Variants in CDH8 observed in about 807,000 individuals in gnomAD.
CDH8 encodes the protein cadherin-8.
Under a neutral mutation model 68.1 loss-of-function variants are expected in CDH8, and 17 were observed. The ratio of observed to expected loss-of-function variants is 0.25; its 90% confidence interval spans 0.17 to 0.37. CDH8 has a LOEUF of 0.37. CDH8 is among the 10% of genes least tolerant of loss of function. The pLI, the probability that CDH8 is intolerant of heterozygous loss-of-function variation, is 1.00. For missense variants in CDH8, 763 were observed against 999.3 expected (o/e 0.76, Z 3.19); for synonymous variants, 372 against 365.1 (o/e 1.02, Z -0.21).
At chr16:62,028,754 G>T (rs1021637866) in intron 1 of CDH8, among the ~76,000 whole-genome samples, 1 of 148,444 alleles carries the variant, frequency 6.7e-6, no homozygotes, top group Non-Finnish European at 1.5e-5. Flanking sequence ...AAAAAAAAAC[G>T]AGTATCAGTC....
At position 61,901,281 on chromosome 16, in the gene CDH8, G is replaced by C. The variant is rs1484577002; in HGVS notation, c.445C>G (p.Pro149Ala). ...ACTTTAATAATAAATTCAGAAGGAG[G>C]CTCCAGAGGTTTGCTTGTCTCCCAG... ...VDWETSKPLE[P>A]PSEFIIKVQD... Residue 149 changes from proline to alanine, a missense_variant, in exon 3 of 12, where the codon CCT becomes GCT. Physicochemically the swap from Pro to Ala is conservative, Grantham distance 27 (BLOSUM62 -1). Coordinates refer to ENST00000577390, the MANE Select transcript of CDH8 (RefSeq NM_001796.5). 6.2e-7 allele frequency: 1 copy of C among 1,613,808 alleles called. No homozygotes were observed. Among genetic ancestry groups the C allele is most frequent in the Non-Finnish European group, 8.5e-7 (1 of 1,179,912 alleles).
intron 2 of CDH8, among the ~76,000 whole-genome samples, chr16:61,903,507 T>C (rs1964014640): frequency 6.6e-6 from 1 of 152,014 alleles, no homozygotes; most frequent in African/African-American, 2.4e-5. Flanking sequence ...GTATTTTTAG[T>C]AGAGACAGGG....
chr16:61,702,595 A>T (rs572785637), intron 10 of CDH8, among the ~76,000 whole-genome samples: 1 of 152,162 alleles, frequency 6.6e-6, no homozygotes, highest in East Asian at 1.9e-4. Flanking sequence ...GATTGTTTCT[A>T]TCTTTCTGTT....
rs1222256319 is a variant in CDH8, at chr16:61,653,027, G to A, written c.*581C>T. 8 of 1,416,480 alleles carry A rather than the reference G, an allele frequency of 5.6e-6. No homozygotes were observed. The highest frequency in any genetic ancestry group is 1.4e-5 in the African/African-American group (1 of 69,486). The allele number at this position is 1,416,480 out of a possible 1,614,324, so 87.7% of individuals were successfully genotyped here. A position where few individuals can be genotyped will look rare whatever the true frequency, so the allele number is the denominator to read the frequency against. On this transcript the variant is annotated 3_prime_UTR_variant, in exon 12 of 12. Coordinates refer to ENST00000577390, the MANE Select transcript of CDH8 (RefSeq NM_001796.5). ...ACACAATATTTAAAGATGCTATTCA[G>A]TCTCTAGTGAGTGGGGCCAACAATT... is the stretch of plus-strand genomic sequence containing the variant.
At chr16:61,740,773 T>G (rs1483110345) in intron 8 of CDH8, among the ~76,000 whole-genome samples, 1 of 152,174 alleles carries the variant, frequency 6.6e-6, no homozygotes, top group Non-Finnish European at 1.5e-5. Flanking sequence ...ATACCACAAT[T>G]ATTTATCTGT....
In CDH8 at chr16:61,900,215, A is replaced by C. The variant is rs527754393; in HGVS notation, c.547+964T>G. On this transcript the variant is annotated intron_variant, in intron 3 of 11. Coordinates refer to ENST00000577390, the MANE Select transcript of CDH8 (RefSeq NM_001796.5). ...TGAATATACATGTCTGTATTTACCA[A>C]ATTCTGGCTTCCAATTTATCTCTAC... Among the ~76,000 whole-genome samples the C allele has an allele frequency of 1.1e-4, 16 of 152,154 alleles. No individual in the cohort carries two copies. In the South Asian group the frequency reaches 3.1e-3, roughly 30 times the overall value.
At chr16:61,807,531 A>C (rs897605358) in intron 7 of CDH8, among the ~76,000 whole-genome samples, 16 of 152,192 alleles carry the variant, frequency 1.1e-4, no homozygotes, top group African/African-American at 3.6e-4. Context: ...AAATTCAGTA[A>C]AATTACTTCA....
chr16:61,847,880 T>TACAC lies in CDH8; in HGVS notation c.667+9235_667+9238dup, dbSNP rs79432523. On this transcript the variant is annotated intron_variant, in intron 4 of 11. Transcript: ENST00000577390. Reference sequence around the variant, plus strand: ...GTCTGTCTATATCTACCAACTATCCTACACACACACACACACACACACAGA... The same window carrying TACAC: ...GTCTGTCTATATCTACCAACTATCCTACACACACACACACACACACACACACAGA... 8.0e-4 allele frequency among the ~76,000 whole-genome samples: 119 copies of TACAC among 148,010 alleles called. 1 individual carries two copies. Among genetic ancestry groups the TACAC allele is most frequent in the East Asian group, 5.0e-3 (25 of 5,010 alleles).
chr16:61,675,606 A>T (rs1309572679), intron 10 of CDH8, among the ~76,000 whole-genome samples: 1 of 77,588 alleles, frequency 1.3e-5, no homozygotes, highest in Non-Finnish European at 2.3e-5. Context: ...TAATAAAAAA[A>T]AATAAAAAAA....
At chr16:61,922,699 G>C (rs1400562111) in intron 2 of CDH8, among the ~76,000 whole-genome samples, 1 of 152,038 alleles carries the variant, frequency 6.6e-6, no homozygotes, top group Non-Finnish European at 1.5e-5. Context: ...ACTTTGTCAT[G>C]CTTATAACTA....
At chr16:61,699,424 G>T (rs144418399) in intron 10 of CDH8, among the ~76,000 whole-genome samples, 3,386 of 152,234 alleles carry the variant, frequency 0.022, 66 homozygotes, top group Non-Finnish European at 0.033. Context: ...TAAAGACACT[G>T]CATTAAGAAA....
chr16:61,722,997 G>T (rs897206439), intron 9 of CDH8, among the ~76,000 whole-genome samples: 3 of 150,522 alleles, frequency 2.0e-5, no homozygotes, highest in African/African-American at 7.3e-5. Context: ...ATTCTTTCCT[G>T]AAGAATAACT....
intron 7 of CDH8, among the ~76,000 whole-genome samples, chr16:61,797,421 T>C (rs1596976175): frequency 1.3e-5 from 2 of 152,084 alleles, no homozygotes; most frequent in East Asian, 3.9e-4. Flanking sequence ...AAATGAATAA[T>C]AGGTGAAAAA....
At chr16:61,663,238 T>C (rs756901992) in intron 10 of CDH8, among the ~76,000 whole-genome samples, 1 of 152,058 alleles carries the variant, frequency 6.6e-6, no homozygotes, top group South Asian at 2.1e-4. Context: ...CAGAGTACAG[T>C]TATGTAAATA....
intron 8 of CDH8, among the ~76,000 whole-genome samples, chr16:61,772,195 A>T (rs180674730): frequency 2.0e-5 from 3 of 152,032 alleles, no homozygotes; most frequent in Admixed American, 2.0e-4. Flanking sequence ...CCATGCAGTT[A>T]CTTCAGTGGG....
rs375519019 is a variant in CDH8 at position 61,840,919 on chromosome 16, TTAACA to T, written c.668-15745_668-15741del. Among the ~76,000 whole-genome samples the T allele has an allele frequency of 2.1e-3, 309 of 150,082 alleles. 6 individuals are homozygous for T. The East Asian group carries it at 0.022, about 10-fold the overall frequency. On this transcript the variant is annotated intron_variant, in intron 4 of 11. Coordinates refer to ENST00000577390, the MANE Select transcript of CDH8 (RefSeq NM_001796.5). The stretch of plus-strand genomic sequence containing the variant: ...ATGTCCTGCACATGTATCCCAGAAC[TTAACA>T]TAAAATAAAATAAAATAACTTTTTT...
At chr16:61,688,852 A>G (rs1269802959) in intron 10 of CDH8, among the ~76,000 whole-genome samples, 1 of 152,010 alleles carries the variant, frequency 6.6e-6, no homozygotes, top group Non-Finnish European at 1.5e-5. Context: ...TTTTCAATGG[A>G]ATAAAAAATC....
At chr16:62,026,938 G>A (rs970704009) in intron 1 of CDH8, among the ~76,000 whole-genome samples, 1 of 152,190 alleles carries the variant, frequency 6.6e-6, no homozygotes, top group African/African-American at 2.4e-5. Flanking sequence ...TAATAACTGC[G>A]AATAGTAGCT....
chr16:61,656,821 C>T (rs546050819), intron 10 of CDH8, among the ~76,000 whole-genome samples: 1 of 152,270 alleles, frequency 6.6e-6, no homozygotes, highest in South Asian at 2.1e-4. Context: ...ATACACAGTT[C>T]TCAAACTTTC....
Sources: allele counts gnomAD v4.1 joint callset (sites outside exome capture counted in the v4.1 genomes callset), GRCh38; gene constraint gnomAD v4.1.1; transcripts MANE v1.5; gene names NCBI Gene and HGNC (gene_info 2026-07-23, HGNC 2026-07-21).